The following KYNU variants were observed in gnomAD, a reference collection of about 807,000 sequenced individuals.
The protein encoded by KYNU is kynureninase.
In KYNU, 54 loss-of-function variants were observed where a neutral mutation model predicts 59.2. That is an observed-to-expected ratio of 0.91 (90% confidence interval 0.73 to 1.14). The LOEUF (loss-of-function observed/expected upper bound fraction) is 1.14. KYNU is among the 50% of genes most tolerant of loss of function. The pLI is 0.00. For missense variants in KYNU, 567 were observed against 554.4 expected (o/e 1.02, Z -0.23); for synonymous variants, 177 against 192.0 (o/e 0.92, Z 0.65).
At position 142,891,331 on chromosome 2, in the gene KYNU, CTA is replaced by C. The variant is rs1681705721; in HGVS notation, c.169+5800_169+5801del. On this transcript the variant is annotated intron_variant, in intron 2 of 13. Coordinates refer to ENST00000264170, the MANE Select transcript of KYNU (RefSeq NM_003937.3). The stretch of plus-strand genomic sequence containing the variant: ...CTACTGAACTTGCTGTTATTTTGAT[CTA>C]TATAGAAGATTATTAACTCAAAGAA... Among the ~76,000 whole-genome samples the C allele has an allele frequency of 4.6e-5, 7 of 152,004 alleles. No homozygotes were observed. The South Asian group carries it at 1.5e-3, about 32-fold the overall frequency.
chr2:142,939,196 T>A (rs1302519977), intron 4 of KYNU, among the ~76,000 whole-genome samples: 5 of 152,076 alleles, frequency 3.3e-5, no homozygotes, highest in Admixed American at 3.3e-4. Context: ...AGAAGAGTTG[T>A]AAACAAAAGC....
At chr2:142,973,051 A>G (rs906249062) in intron 8 of KYNU, among the ~76,000 whole-genome samples, 2 of 149,798 alleles carry the variant, frequency 1.3e-5, no homozygotes, top group Middle Eastern at 3.5e-3. Flanking sequence ...CACAAATCAT[A>G]TATACATCTA....
chr2:142,884,688 C>CTTTTTTTTTTTTTTTTTTTTTTTTT (rs70997529), intron 1 of KYNU, among the ~76,000 whole-genome samples: 4 of 77,022 alleles, frequency 5.2e-5, no homozygotes, highest in East Asian at 3.7e-4. Flanking sequence ...TTCTCTTTTC[C>CTTTTTTTTTTTTTTTTTTTTTTTTT]TTTTTTTTTT....
chr2:143,025,062 A>G (rs1686513729), intron 10 of KYNU, among the ~76,000 whole-genome samples: 1 of 150,936 alleles, frequency 6.6e-6, no homozygotes, highest in South Asian at 2.1e-4. Context: ...TTTCTTTTCT[A>G]GTTCTTTCCT....
At chr2:142,901,610 G>T (rs1305289897) in intron 2 of KYNU, among the ~76,000 whole-genome samples, 1 of 152,096 alleles carries the variant, frequency 6.6e-6, no homozygotes, top group Non-Finnish European at 1.5e-5. Context: ...TCAGAAGTTA[G>T]GAATTCCCTT....
chr2:142,918,498 C>T (rs1573788746), intron 2 of KYNU, 111 bp from the exon 3 acceptor site: 2 of 1,201,460 alleles, frequency 1.7e-6, no homozygotes, highest in Non-Finnish European at 2.3e-6. Context: ...TTTTTAATTA[C>T]TTTTTATCCT....
At chr2:142,901,351 C>T (rs1682079949) in intron 2 of KYNU, among the ~76,000 whole-genome samples, 1 of 152,162 alleles carries the variant, frequency 6.6e-6, no homozygotes, top group Admixed American at 6.5e-5. Flanking sequence ...CGTTCTATTT[C>T]TCCTGCTGAG....
rs1340630155 is a variant in KYNU, at chr2:143,044,779, T to G, written c.*2607T>G. 1 of 152,186 alleles carries G rather than the reference T, an allele frequency of 6.6e-6. No individual in the cohort carries two copies. Among genetic ancestry groups the G allele is most frequent in the Non-Finnish European group, 1.5e-5 (1 of 68,032 alleles). 9.4% of individuals were successfully genotyped at this position (152,186 alleles called of 1,614,324 possible). A position where few individuals can be genotyped will look rare whatever the true frequency, so the allele number is the denominator to read the frequency against. On this transcript the variant is annotated 3_prime_UTR_variant, in exon 14 of 14. Transcript: ENST00000264170. ...AAAAATTTTCTCCCGTTCTGTAGGT[T>G]GCCCGATCACTCTGATGATAGTTTC...
At chr2:143,035,726 G>A (rs1023485237) in intron 12 of KYNU, among the ~76,000 whole-genome samples, 2 of 151,948 alleles carry the variant, frequency 1.3e-5, no homozygotes, top group African/African-American at 4.8e-5. Flanking sequence ...CAGGTAACTG[G>A]GACTGCAGGA....
intron 10 of KYNU, among the ~76,000 whole-genome samples, chr2:143,007,856 C>G (rs1303589890): frequency 8.6e-6 from 1 of 115,982 alleles, no homozygotes; most frequent in African/African-American, 3.9e-5. Flanking sequence ...CAAGCAAATG[C>G]TGAGAGATTT....
At chr2:143,032,938 TG>T in intron 11 of KYNU, among the ~76,000 whole-genome samples, 1 of 152,116 alleles carries the variant, frequency 6.6e-6, no homozygotes, top group Non-Finnish European at 1.5e-5. Context: ...AATCCTGGCT[TG>T]GGAATAGGAA....
chr2:142,945,389 C>T (rs1035973958), intron 4 of KYNU, among the ~76,000 whole-genome samples: 1 of 152,190 alleles, frequency 6.6e-6, no homozygotes, highest in Non-Finnish European at 1.5e-5. Context: ...TTTGCACTTT[C>T]GTAAGAGGCA....
At chr2:142,899,887 C>T (rs535018206) in intron 2 of KYNU, among the ~76,000 whole-genome samples, 4 of 152,112 alleles carry the variant, frequency 2.6e-5, no homozygotes, top group Non-Finnish European at 5.9e-5. Flanking sequence ...AATAATGATT[C>T]GGCCATCTGA....
intron 7 of KYNU, among the ~76,000 whole-genome samples, chr2:142,958,315 CAAA>C (rs536375361): frequency 1.3e-5 from 2 of 152,114 alleles, no homozygotes; most frequent in South Asian, 4.1e-4. Context: ...AAACAGATAA[CAAA>C]AGCATGTGTC....
intron 1 of KYNU, among the ~76,000 whole-genome samples, chr2:142,880,664 C>T (rs1400665234): frequency 1.3e-5 from 2 of 152,206 alleles, no homozygotes; most frequent in East Asian, 1.9e-4. Context: ...TGATTATGTA[C>T]TCAGCTAAAC....
chr2:142,910,184 T>C (rs1033413004), intron 2 of KYNU, among the ~76,000 whole-genome samples: 9 of 132,724 alleles, frequency 6.8e-5, no homozygotes, highest in Non-Finnish European at 1.4e-4. Context: ...TCCCCCAGGC[T>C]GGAGTGCAGT....
At chr2:142,947,324 T>C (rs1179112336) in intron 4 of KYNU, 10 of 1,169,188 alleles carry the variant, frequency 8.6e-6, no homozygotes, top group Non-Finnish European at 1.2e-5. Flanking sequence ...AAGCATTCCA[T>C]TTTTTCTATT....
chr2:142,968,790 G>A (rs1469168970), intron 8 of KYNU, among the ~76,000 whole-genome samples: 3 of 152,096 alleles, frequency 2.0e-5, no homozygotes, highest in Non-Finnish European at 4.4e-5. Context: ...GTGTGTGCCT[G>A]TAGTCCCAGC....
At chr2:142,978,434 T>C (rs1202743933) in intron 8 of KYNU, among the ~76,000 whole-genome samples, 1 of 152,148 alleles carries the variant, frequency 6.6e-6, no homozygotes, top group Admixed American at 6.6e-5. Context: ...AGAAGCTGCA[T>C]TTCCCACAGT....
Sources: allele counts gnomAD v4.1 joint callset (sites outside exome capture counted in the v4.1 genomes callset), GRCh38; gene constraint gnomAD v4.1.1; transcripts MANE v1.5; gene names NCBI Gene and HGNC (gene_info 2026-07-23, HGNC 2026-07-21).